FAM3B: variants seen among roughly 807,000 people sequenced by gnomAD.
The protein encoded by FAM3B is protein FAM3B.
FAM3B carries 29 observed loss-of-function variants against 28.4 expected under a neutral mutation model. The ratio of observed to expected loss-of-function variants is 1.02; its 90% confidence interval spans 0.76 to 1.39. The LOEUF is 1.39. Among genes scored for constraint, FAM3B ranks in the 40% most tolerant of loss-of-function variants. FAM3B has a pLI of 0.00. For synonymous variants in FAM3B, 91 were observed against 103.0 expected (o/e 0.88, Z 0.71); for missense variants, 266 against 293.9 (o/e 0.91, Z 0.69).
intron 4 of FAM3B, 124 bp from the exon 5 acceptor site, chr21:41,345,562 T>C: frequency 1.7e-6 from 1 of 593,134 alleles, no homozygotes; most frequent in Non-Finnish European, 3.0e-6. Flanking sequence ...GGCTGGGTCA[T>C]TACATCAGTG....
intron 3 of FAM3B, 56 bp downstream of exon 3, chr21:41,338,557 C>T: frequency 3.1e-6 from 5 of 1,600,238 alleles, no homozygotes; most frequent in Non-Finnish European, 4.3e-6. Flanking sequence ...CTTGCCCCTT[C>T]CCTGAGGCTG....
chr21:41,356,272 T>C (rs2089166840), intron 7 of FAM3B, among the ~76,000 whole-genome samples: 1 of 152,222 alleles, frequency 6.6e-6, no homozygotes, highest in Non-Finnish European at 1.5e-5. Context: ...AATAAAAGCA[T>C]CGTATTTGAA....
chr21:41,321,645 A>G (rs2088807291), intron 1 of FAM3B, among the ~76,000 whole-genome samples: 2 of 152,222 alleles, frequency 1.3e-5, no homozygotes, highest in African/African-American at 2.4e-5. Context: ...CAAAAAAGCA[A>G]AACAAAACCA....
chr21:41,324,002 C>T (rs142335465), intron 2 of FAM3B, among the ~76,000 whole-genome samples: 1 of 152,316 alleles, frequency 6.6e-6, no homozygotes, highest in Non-Finnish European at 1.5e-5. Flanking sequence ...CTGCATTCTG[C>T]TTCATGGATG....
upstream of FAM3B, among the ~76,000 whole-genome samples, chr21:41,312,270 C>A (rs555458367): frequency 6.3e-4 from 96 of 152,122 alleles, no homozygotes; most frequent in Non-Finnish European, 1.2e-3. Context: ...AATCTTTCCC[C>A]CTCTAATGAT....
intron 7 of FAM3B, 35 bp downstream of exon 7, chr21:41,348,759 G>T (rs368346048): frequency 2.5e-6 from 4 of 1,613,576 alleles, no homozygotes; most frequent in Non-Finnish European, 3.4e-6. Context: ...CCCACCAATG[G>T]TGAGTATAGT....
At chr21:41,320,854 T>C (rs939453630) in intron 1 of FAM3B, 1 of 152,240 alleles carries the variant, frequency 6.6e-6, no homozygotes, top group Non-Finnish European at 1.5e-5. Flanking sequence ...ACCCTTCTTC[T>C]TGTGAGGACA....
Position 41,316,873 on chromosome 21 carries a change from C to A in FAM3B, c.-7C>A. The A allele has an allele frequency of 7.1e-7, 1 of 1,414,370 alleles. No individual in the cohort carries two copies. Among genetic ancestry groups the A allele is most frequent in the Non-Finnish European group, 9.2e-7 (1 of 1,086,594 alleles). 87.6% of individuals were successfully genotyped at this position (1,414,370 alleles called of 1,614,324 possible). ...GCCAGGGCCAGGAGGGGAGCGGCAC[C>A]TGGAAGATGCGCCCATTGGCTGGTG... On this transcript the variant is annotated 5_prime_UTR_variant, in exon 1 of 8. In the 5' UTR this introduces an upstream ATG that the reference lacks. Transcript: ENST00000357985.
intron 1 of FAM3B, among the ~76,000 whole-genome samples, chr21:41,306,938 A>G (rs890671309): frequency 6.6e-6 from 1 of 152,198 alleles, no homozygotes; most frequent in Non-Finnish European, 1.5e-5. Context: ...TAAGGGCCTT[A>G]GGCATTTTGG....
chr21:41,322,211 C>G (rs535039501), intron 1 of FAM3B, among the ~76,000 whole-genome samples: 1 of 152,254 alleles, frequency 6.6e-6, no homozygotes, highest in East Asian at 1.9e-4. Flanking sequence ...CTCTGGTGAC[C>G]CAGGAGGAGA....
At chr21:41,310,546 G>C (rs922808911) in intron 1 of FAM3B, among the ~76,000 whole-genome samples, 1 of 152,188 alleles carries the variant, frequency 6.6e-6, no homozygotes, top group Non-Finnish European at 1.5e-5. Flanking sequence ...ACATCTGGCT[G>C]ATTGAACTGA....
intron 2 of FAM3B, among the ~76,000 whole-genome samples, chr21:41,328,909 C>T (rs781111657): frequency 6.4e-4 from 97 of 152,206 alleles, no homozygotes; most frequent in Non-Finnish European, 1.2e-3. Context: ...CCAGCTCGGC[C>T]CTGGCAGCTT....
At chr21:41,348,005 C>G (rs1227269490) in intron 6 of FAM3B, among the ~76,000 whole-genome samples, 1 of 152,160 alleles carries the variant, frequency 6.6e-6, no homozygotes, top group African/African-American at 2.4e-5. Flanking sequence ...TCTTACCAAA[C>G]TGAAGTTCCT....
chr21:41,346,419 G>A (rs918002622), intron 5 of FAM3B: 2 of 153,118 alleles, frequency 1.3e-5, no homozygotes, highest in African/African-American at 4.8e-5. Context: ...TGAGTAACAG[G>A]GTTTGAGGTT....
intron 2 of FAM3B, among the ~76,000 whole-genome samples, chr21:41,327,238 C>T (rs1358424048): frequency 1.3e-5 from 2 of 152,210 alleles, no homozygotes; most frequent in Admixed American, 6.5e-5. Flanking sequence ...AATCACAAAC[C>T]ACGGATTCTT....
intron 5 of FAM3B, among the ~76,000 whole-genome samples, chr21:41,346,633 G>T (rs1388428664): frequency 1.3e-5 from 2 of 152,014 alleles, no homozygotes; most frequent in African/African-American, 4.8e-5. Context: ...TGCCACACAG[G>T]CTGCTGCTTG....
chr21:41,316,714 T>A, upstream of FAM3B: 1 of 489,954 alleles, frequency 2.0e-6, no homozygotes, highest in Non-Finnish European at 3.3e-6. Flanking sequence ...CCCGCGCACC[T>A]GCCGGGTCCG....
chr21:41,334,163 A>T (rs938207417), intron 2 of FAM3B, among the ~76,000 whole-genome samples: 1 of 152,264 alleles, frequency 6.6e-6, no homozygotes, highest in Non-Finnish European at 1.5e-5. Flanking sequence ...GAAGCAGAGC[A>T]TAAAAGTTTG....
intron 1 of FAM3B, among the ~76,000 whole-genome samples, chr21:41,311,377 G>T (rs1336903076): frequency 7.0e-6 from 1 of 142,082 alleles, no homozygotes; most frequent in Non-Finnish European, 1.5e-5. Flanking sequence ...TGGGAGGATC[G>T]CATTGAACCT....
Sources: allele counts gnomAD v4.1 joint callset (sites outside exome capture counted in the v4.1 genomes callset), GRCh38; gene constraint gnomAD v4.1.1; transcripts MANE v1.5; gene names NCBI Gene and HGNC (gene_info 2026-07-23, HGNC 2026-07-21).